Variants in C12orf42 observed in about 807,000 individuals in gnomAD.
C12orf42 encodes uncharacterized protein C12orf42.
A neutral mutation model predicts 21.6 loss-of-function variants in C12orf42; 25 were observed. The observed-to-expected ratio is 1.16, with a 90% CI of 0.84 to 1.62. C12orf42 has a LOEUF of 1.62. C12orf42 is among the 40% of genes most tolerant of loss of function. The pLI is 0.00. For synonymous variants in C12orf42, 174 were observed against 175.0 expected (o/e 0.99, Z 0.05); for missense variants, 483 against 459.3 (o/e 1.05, Z -0.47).
Position 103,435,901 on chromosome 12 carries a change from C to T in C12orf42, c.79-34226G>A, listed in dbSNP as rs567947935. ...GTTCAGATTCAGGAAATACAGAGAA[C>T]GCCACAAAGATACTCCTCGAGAAGA... On this transcript the variant is annotated intron_variant, in intron 2 of 5. Coordinates refer to ENST00000548883, the MANE Select transcript of C12orf42 (RefSeq NM_198521.5). Among the ~76,000 whole-genome samples the T allele has an allele frequency of 1.8e-4, 27 of 150,510 alleles. 1 individual carries two copies. The highest frequency in any genetic ancestry group is 4.2e-4 in the South Asian group (2 of 4,742).
chr12:103,185,232 T>C, the C12orf42 span, among the ~76,000 whole-genome samples: 13 of 152,190 alleles, frequency 8.5e-5, no homozygotes, highest in African/African-American at 2.7e-4. Context: ...GGGCGACTCC[T>C]AGATAAAGTG....
At chr12:103,124,772 C>A in the C12orf42 span, among the ~76,000 whole-genome samples, 1 of 152,110 alleles carries the variant, frequency 6.6e-6, no homozygotes, top group East Asian at 1.9e-4. Context: ...ATAAACAGAC[C>A]CTGCTATCAG....
intron 1 of C12orf42, among the ~76,000 whole-genome samples, chr12:103,487,338 G>C (rs1954901709): frequency 6.6e-6 from 1 of 152,196 alleles, no homozygotes; most frequent in Non-Finnish European, 1.5e-5. Flanking sequence ...TGTGATTTCT[G>C]TTCTTTTACA....
the C12orf42 span, among the ~76,000 whole-genome samples, chr12:103,111,079 G>A: frequency 6.6e-6 from 1 of 152,106 alleles, no homozygotes; most frequent in Admixed American, 6.5e-5. Context: ...TTATTGCAGT[G>A]AATTTAACCT....
chr12:103,561,990 G>A, the C12orf42 span, among the ~76,000 whole-genome samples: 1 of 152,176 alleles, frequency 6.6e-6, no homozygotes, highest in Non-Finnish European at 1.5e-5. Flanking sequence ...GTGGTCAGAA[G>A]TCCAAGGCAG....
chr12:103,359,302 T>G (rs2043871452), intron 4 of C12orf42, among the ~76,000 whole-genome samples: 1 of 152,220 alleles, frequency 6.6e-6, no homozygotes, highest in African/African-American at 2.4e-5. Flanking sequence ...AATTCCCAGC[T>G]ATATGTGTTT....
At chr12:103,089,320 ATTG>A in the C12orf42 span, among the ~76,000 whole-genome samples, 2 of 152,110 alleles carry the variant, frequency 1.3e-5, no homozygotes, top group Admixed American at 6.5e-5. Flanking sequence ...AAGAAAATGT[ATTG>A]TTGCATTCAG....
At chr12:103,234,113 T>C (rs1386041440), downstream of C12orf42, among the ~76,000 whole-genome samples, 1 of 152,228 alleles carries the variant, frequency 6.6e-6, no homozygotes, top group Non-Finnish European at 1.5e-5. Context: ...ATTGCATTAA[T>C]CGATTTTTGA....
the C12orf42 span, among the ~76,000 whole-genome samples, chr12:103,194,991 C>T: frequency 1.1e-4 from 17 of 152,056 alleles, no homozygotes; most frequent in Non-Finnish European, 5.9e-5. Flanking sequence ...ATTTTTCCTT[C>T]TTTGTGTCAA....
the C12orf42 span, chr12:103,163,036 A>T: frequency 4.6e-5 from 7 of 152,224 alleles, no homozygotes; most frequent in African/African-American, 1.7e-4. Context: ...TCTTTTTCCC[A>T]GGAGCTCATC....
At chr12:103,481,853 TTTTC>T (rs1469232058) in intron 1 of C12orf42, among the ~76,000 whole-genome samples, 2 of 151,984 alleles carry the variant, frequency 1.3e-5, no homozygotes, top group East Asian at 3.9e-4. Context: ...TATTTTTTCT[TTTTC>T]TTTTTCTAGT....
the C12orf42 span, among the ~76,000 whole-genome samples, chr12:103,143,987 C>G: frequency 9.2e-5 from 14 of 151,862 alleles, no homozygotes; most frequent in East Asian, 2.7e-3. Flanking sequence ...TGGTAAGGAT[C>G]AAATAACATA....
At chr12:103,382,838 C>A (rs1335081514) in intron 3 of C12orf42, among the ~76,000 whole-genome samples, 1 of 152,070 alleles carries the variant, frequency 6.6e-6, no homozygotes, top group African/African-American at 2.4e-5. Context: ...ATATGTTTAT[C>A]TTTTTCCTCA....
At chr12:103,392,209 C>T (rs999951802) in intron 3 of C12orf42, among the ~76,000 whole-genome samples, 1 of 152,120 alleles carries the variant, frequency 6.6e-6, no homozygotes, top group African/African-American at 2.4e-5. Flanking sequence ...CAGTACCACA[C>T]TGTTTTTATT....
chr12:103,268,190 A>C (rs925808208), downstream of C12orf42: 3 of 149,782 alleles, frequency 2.0e-5, no homozygotes, highest in Non-Finnish European at 4.4e-5. Context: ...CCTCTTCTTT[A>C]TCCCCCTACA....
the C12orf42 span, among the ~76,000 whole-genome samples, chr12:103,120,892 C>A: frequency 2.0e-5 from 3 of 151,750 alleles, no homozygotes; most frequent in African/African-American, 7.3e-5. Flanking sequence ...CACAGATTGA[C>A]AGAGATAAGG....
intron 1 of C12orf42, among the ~76,000 whole-genome samples, chr12:103,483,642 T>G (rs567863224): frequency 1.2e-4 from 19 of 152,118 alleles, no homozygotes; most frequent in Admixed American, 5.2e-4. Context: ...CAGGTTTATG[T>G]TTTTTTTATT....
At chr12:103,265,999 G>T (rs559024243), downstream of C12orf42, among the ~76,000 whole-genome samples, 2 of 152,136 alleles carry the variant, frequency 1.3e-5, no homozygotes, top group African/African-American at 4.8e-5. Context: ...TCTACCCCTG[G>T]ATTAGACACC....
chr12:103,129,505 C>T, the C12orf42 span, among the ~76,000 whole-genome samples: 2 of 152,116 alleles, frequency 1.3e-5, no homozygotes, highest in African/African-American at 4.8e-5. Flanking sequence ...AAAGTTTTCC[C>T]AATCAGTAAG....
Sources: allele counts gnomAD v4.1 joint callset (sites outside exome capture counted in the v4.1 genomes callset), GRCh38; gene constraint gnomAD v4.1.1; transcripts MANE v1.5; gene names NCBI Gene and HGNC (gene_info 2026-07-23, HGNC 2026-07-21).